FAM178B: variants seen among roughly 807,000 people sequenced by gnomAD.
The protein encoded by FAM178B is protein FAM178B.
Under a neutral mutation model 91.7 loss-of-function variants are expected in FAM178B, and 82 were observed. The observed-to-expected ratio is 0.89, with a 90% confidence interval of 0.75 to 1.07. The LOEUF (loss-of-function observed/expected upper bound fraction) is 1.07, where lower values mean the gene tolerates loss of function less well. Among genes scored for constraint, FAM178B ranks in the 50% least tolerant of loss-of-function variants. The pLI is 0.00. For missense variants in FAM178B, 769 were observed against 846.7 expected (o/e 0.91, Z 1.14); for synonymous variants, 368 against 359.4 (o/e 1.02, Z -0.27).
At chr2:96,929,082 T>C in intron 9 of FAM178B, 124 bp downstream of exon 9, 1 of 696,518 alleles carries the variant, frequency 1.4e-6, no homozygotes. Context: ...CACTTGAGCC[T>C]GGGAGGTGGA....
At chr2:96,969,734 GA>G (rs2082191803) in intron 4 of FAM178B, among the ~76,000 whole-genome samples, 1 of 152,240 alleles carries the variant, frequency 6.6e-6, no homozygotes, top group South Asian at 2.1e-4. Context: ...TCAGGTGAAG[GA>G]GCTGAACAAC....
At chr2:96,927,460 C>A (rs771497776) in intron 9 of FAM178B, among the ~76,000 whole-genome samples, 1 of 152,202 alleles carries the variant, frequency 6.6e-6, no homozygotes, top group Non-Finnish European at 1.5e-5. Flanking sequence ...GATGTTAAAA[C>A]GGTGTGTCTG....
chr2:96,921,766 C>T (rs114236840), intron 10 of FAM178B, 112 bp from the exon 11 acceptor site: 32,769 of 1,119,602 alleles, frequency 0.029, 693 homozygotes, highest in Non-Finnish European at 0.032. Context: ...CTGTGAGCCC[C>T]GCGGCCATGT....
intron 8 of FAM178B, among the ~76,000 whole-genome samples, chr2:96,940,921 G>A (rs1366111593): frequency 3.9e-5 from 6 of 152,176 alleles, no homozygotes; most frequent in Non-Finnish European, 5.9e-5. Flanking sequence ...CTCACTCGGC[G>A]GACCTGTGGT....
intron 12 of FAM178B, among the ~76,000 whole-genome samples, chr2:96,917,746 C>CT (rs2081265504): frequency 6.6e-6 from 1 of 152,066 alleles, no homozygotes; most frequent in Non-Finnish European, 1.5e-5. Flanking sequence ...GTCCTAGCTA[C>CT]TAAGGAGGTT....
chr2:96,976,320 C>A (rs192510908), intron 1 of FAM178B, among the ~76,000 whole-genome samples: 1 of 150,338 alleles, frequency 6.7e-6, no homozygotes, highest in Non-Finnish European at 1.5e-5. Context: ...GTCTCAACCT[C>A]CTGACCTCAT....
intron 3 of FAM178B, 91 bp from the exon 4 acceptor site, chr2:96,970,868 A>G: frequency 2.1e-6 from 2 of 932,354 alleles, no homozygotes; most frequent in Non-Finnish European, 3.3e-6. Context: ...CCCTTTATTT[A>G]TTTTGTTTGC....
At position 96,986,527 on chromosome 2, in the gene FAM178B, C is replaced by A. The variant is rs944233511; in HGVS notation, c.-214G>T. The A allele has an allele frequency of 6.8e-6, 4 of 590,578 alleles. No homozygotes were observed. The African/African-American group carries it at 7.7e-5, about 11-fold the overall frequency. The allele number at this position is 590,578 out of a possible 1,614,324, so 36.6% of individuals were successfully genotyped here. On this transcript the variant is annotated 5_prime_UTR_variant, in exon 1 of 17. Transcript: ENST00000490605. ...GATTGAGTTCCGACTCCAAACCAAG[C>A]GGCCAGCTCACAGCCGCCGCCGCCG...
At chr2:96,960,237 G>A in intron 6 of FAM178B, 51 bp downstream of exon 6, 2 of 1,539,784 alleles carry the variant, frequency 1.3e-6, no homozygotes, top group South Asian at 2.4e-5. Flanking sequence ...CCAGGAGGGA[G>A]GGGTCCTGGA....
intron 4 of FAM178B, among the ~76,000 whole-genome samples, chr2:96,968,747 TC>T (rs2082179019): frequency 6.6e-6 from 1 of 152,044 alleles, no homozygotes; most frequent in Non-Finnish European, 1.5e-5. Flanking sequence ...GCCCTTCCCA[TC>T]CCTTCTCCAA....
At chr2:96,927,104 A>G (rs1488551899) in intron 9 of FAM178B, among the ~76,000 whole-genome samples, 2 of 152,352 alleles carry the variant, frequency 1.3e-5, no homozygotes, top group African/African-American at 4.8e-5. Flanking sequence ...CCATGCATCC[A>G]TGAAGGATGC....
At chr2:96,898,810 G>A (rs2080871126) in intron 13 of FAM178B, among the ~76,000 whole-genome samples, 2 of 152,198 alleles carry the variant, frequency 1.3e-5, no homozygotes, top group Non-Finnish European at 2.9e-5. Flanking sequence ...TGTTGTACAT[G>A]GGAGCTGCCA....
intron 14 of FAM178B, among the ~76,000 whole-genome samples, chr2:96,887,426 T>G (rs1343486823): frequency 6.6e-6 from 1 of 152,120 alleles, no homozygotes; most frequent in Non-Finnish European, 1.5e-5. Flanking sequence ...GACTCTGGAT[T>G]GACCCTAAAA....
intron 14 of FAM178B, among the ~76,000 whole-genome samples, chr2:96,890,737 G>A (rs2080657884): frequency 6.6e-6 from 1 of 152,158 alleles, no homozygotes; most frequent in South Asian, 2.1e-4. Context: ...GGGCGAATTG[G>A]TATCCATGGG....
chr2:96,877,234 T>G (rs2080264952), intron 16 of FAM178B, among the ~76,000 whole-genome samples: 1 of 152,086 alleles, frequency 6.6e-6, no homozygotes. Context: ...GAGACCAGCT[T>G]CAGGCCCACA....
At chr2:96,877,175 T>C (rs905730308) in intron 16 of FAM178B, among the ~76,000 whole-genome samples, 1 of 152,012 alleles carries the variant, frequency 6.6e-6, no homozygotes, top group African/African-American at 2.4e-5. Flanking sequence ...GTAGGGGGTG[T>C]AGTGGAGAGG....
chr2:96,947,927 C>A lies in FAM178B; in HGVS notation c.994-25G>T, dbSNP rs199868642. On this transcript the variant is annotated intron_variant, in intron 7 of 16. Coordinates refer to ENST00000490605, the MANE Select transcript of FAM178B (RefSeq NM_001122646.3). ...GCTAGGTGGAAAAAAAAAACAAAAA[C>A]AAAAACCTGGTGAGCTGGGTCATTC... 3.1e-3 allele frequency: 4,114 copies of A among 1,343,226 alleles called. 122 individuals are homozygous for A. The African/African-American group carries it at 0.057, about 18-fold the overall frequency. 83.2% of individuals were successfully genotyped at this position (1,343,226 alleles called of 1,614,324 possible). A position where few individuals can be genotyped will look rare whatever the true frequency, so the allele number is the denominator to read the frequency against.
chr2:96,914,263 G>C (rs2081205779), intron 12 of FAM178B, among the ~76,000 whole-genome samples: 1 of 152,226 alleles, frequency 6.6e-6, no homozygotes, highest in African/African-American at 2.4e-5. Context: ...TGGAAAAAAG[G>C]ATCAGGTGAA....
At chr2:96,930,243 A>AAAAAAT (rs1559080293) in intron 8 of FAM178B, among the ~76,000 whole-genome samples, 8 of 137,596 alleles carry the variant, frequency 5.8e-5, no homozygotes, top group African/African-American at 2.1e-4. Context: ...AAAAAAAAAA[A>AAAAAAT]ATCTGACCAC....
Sources: gnomAD v4.1 joint callset for allele counts (sites outside exome capture counted in the v4.1 genomes callset) on GRCh38, gnomAD v4.1.1 for gene constraint, MANE v1.5 for transcripts, NCBI Gene and HGNC (gene_info 2026-07-23, HGNC 2026-07-21) for gene names.